FOCAD: variants seen among roughly 807,000 people sequenced by gnomAD.
The protein encoded by FOCAD is KIAA1797.
In FOCAD, 198 loss-of-function variants were observed where a neutral mutation model predicts 225.6. That is an observed-to-expected ratio of 0.88 (90% CI 0.78 to 0.99). FOCAD has a LOEUF of 0.99. Ranked by LOEUF, FOCAD falls within the 50% of genes least tolerant of loss-of-function variation. The pLI, the probability that FOCAD is intolerant of heterozygous loss-of-function variation, is 0.00. For missense variants in FOCAD, 2,713 were observed against 2,123.6 expected, an observed-to-expected ratio of 1.28 and a Z score of -5.46; for synonymous variants, 897 against 755.0, an observed-to-expected ratio of 1.19 and a Z score of -3.08.
chr9:20,961,430 G>A (rs141866901), intron 35 of FOCAD, among the ~76,000 whole-genome samples: 1 of 151,948 alleles, frequency 6.6e-6, no homozygotes, highest in African/African-American at 2.4e-5. Flanking sequence ...GGTTTATTTT[G>A]TACTATCCCC....
At chr9:20,874,444 CAT>C (rs1179858989) in intron 18 of FOCAD, 1 of 403,196 alleles carries the variant, frequency 2.5e-6, no homozygotes, top group Admixed American at 4.3e-5. Flanking sequence ...ACTGTATTAA[CAT>C]AAGCTTTTTA....
chr9:20,753,428 T>C (rs1417019534), intron 5 of FOCAD, among the ~76,000 whole-genome samples: 1 of 152,056 alleles, frequency 6.6e-6, no homozygotes. Context: ...CATGTGGTTT[T>C]TGTCTTTGGT....
Position 20,933,062 on chromosome 9 carries a change from T to C in FOCAD, c.3366T>C (p.Asp1122=), listed in dbSNP as rs761543558. The change falls in exon 28 of 44, where the codon GAT becomes GAC. Residue 1122 remains aspartate, a synonymous_variant. Transcript: ENST00000338382. ...EMNLLLMKSL[D]ALENCCFDTS... is the part of the protein sequence containing the mutation. ...ACCTTCTTCTGATGAAGTCGTTGGATGCCCTGGAAAATTGCTGCTTTGACA... is the reference window on the plus strand; with the variant it reads ...ACCTTCTTCTGATGAAGTCGTTGGACGCCCTGGAAAATTGCTGCTTTGACA... 6.2e-7 allele frequency: 1 copy of C among 1,614,070 alleles called. No homozygotes were observed. The highest frequency in any genetic ancestry group is 8.5e-7 in the Non-Finnish European group (1 of 1,179,928).
At chr9:20,942,640 T>A (rs1836784979) in intron 28 of FOCAD, among the ~76,000 whole-genome samples, 2 of 152,334 alleles carry the variant, frequency 1.3e-5, no homozygotes, top group Middle Eastern at 3.4e-3. Flanking sequence ...CTTAAAATTC[T>A]TCATTTGGTT....
intron 15 of FOCAD, among the ~76,000 whole-genome samples, chr9:20,839,507 C>T (rs762414552): frequency 3.9e-5 from 6 of 151,928 alleles, no homozygotes; most frequent in East Asian, 1.9e-4. Flanking sequence ...GTGTCTTGCC[C>T]GCTTAGGCCT....
chr9:20,748,476 A>G (rs1828259948), intron 5 of FOCAD, among the ~76,000 whole-genome samples: 1 of 152,098 alleles, frequency 6.6e-6, no homozygotes, highest in Admixed American at 6.6e-5. Context: ...CCTATTATAG[A>G]AAATGTACAC....
chr9:20,720,333 G>T (rs1400678296), intron 3 of FOCAD, 47 bp from the exon 4 acceptor site: 4 of 1,586,736 alleles, frequency 2.5e-6, no homozygotes, highest in Non-Finnish European at 3.4e-6. Flanking sequence ...GTGTGTGTGT[G>T]TTTGCTGCTC....
chr9:20,865,651 G>A (rs907654544), intron 16 of FOCAD, among the ~76,000 whole-genome samples: 2 of 152,054 alleles, frequency 1.3e-5, no homozygotes, highest in African/African-American at 4.8e-5. Flanking sequence ...TGACATTTCT[G>A]TTAGTACTTG....
chr9:20,981,303 A>T, intron 37 of FOCAD, 123 bp from the exon 38 acceptor site: 1 of 1,128,116 alleles, frequency 8.9e-7, no homozygotes, highest in South Asian at 1.5e-5. Flanking sequence ...TGAAGGGGGA[A>T]GGAAGTAACC....
At chr9:20,920,814 G>A (rs1409306340) in intron 24 of FOCAD, among the ~76,000 whole-genome samples, 2 of 151,072 alleles carry the variant, frequency 1.3e-5, no homozygotes, top group Non-Finnish European at 3.0e-5. Flanking sequence ...GGACTGTTGT[G>A]GGGTGGGGGG....
At chr9:20,740,661 A>C (rs1827535750) in intron 5 of FOCAD, among the ~76,000 whole-genome samples, 1 of 152,206 alleles carries the variant, frequency 6.6e-6, no homozygotes, top group African/African-American at 2.4e-5. Flanking sequence ...GACTTCATTG[A>C]ACAAAGATAT....
chr9:20,973,213 C>T (rs1414199471), intron 35 of FOCAD, among the ~76,000 whole-genome samples: 1 of 150,560 alleles, frequency 6.6e-6, no homozygotes, highest in East Asian at 2.0e-4. Context: ...TTCTGGTTCC[C>T]TCTTCTTTCA....
chr9:20,880,949 T>A (rs982588637), intron 19 of FOCAD, among the ~76,000 whole-genome samples: 1 of 152,230 alleles, frequency 6.6e-6, no homozygotes, highest in Non-Finnish European at 1.5e-5. Context: ...ACCTATAGTC[T>A]TATCAAATAT....
intron 22 of FOCAD, among the ~76,000 whole-genome samples, chr9:20,912,250 A>G (rs760189851): frequency 9.9e-5 from 15 of 152,102 alleles, no homozygotes; most frequent in Non-Finnish European, 2.1e-4. Flanking sequence ...AATAATTCTG[A>G]GTAAAAAAAT....
At chr9:20,943,119 A>T (rs372782273) in intron 28 of FOCAD, among the ~76,000 whole-genome samples, 1 of 152,228 alleles carries the variant, frequency 6.6e-6, no homozygotes, top group African/African-American at 2.4e-5. Context: ...AAGGCTTTAC[A>T]TTCATATTAA....
chr9:20,691,177 A>G (rs1277185446), intron 1 of FOCAD, among the ~76,000 whole-genome samples: 1 of 152,100 alleles, frequency 6.6e-6, no homozygotes, highest in Non-Finnish European at 1.5e-5. Flanking sequence ...TCCTGACCTC[A>G]AGTGATCCAC....
intron 26 of FOCAD, chr9:20,928,006 G>T (rs918453568): frequency 2.0e-5 from 3 of 150,784 alleles, no homozygotes; most frequent in African/African-American, 7.3e-5. Flanking sequence ...GATAAATTTT[G>T]CTCAAAAAGT....
intron 5 of FOCAD, among the ~76,000 whole-genome samples, chr9:20,745,423 A>T (rs1827968763): frequency 1.3e-5 from 2 of 152,156 alleles, no homozygotes; most frequent in African/African-American, 4.8e-5. Context: ...ATCGTGCAGG[A>T]AGTGGGCAGA....
chr9:20,796,873 G>C (rs923014777), intron 11 of FOCAD, among the ~76,000 whole-genome samples: 1 of 151,714 alleles, frequency 6.6e-6, no homozygotes, highest in Non-Finnish European at 1.5e-5. Context: ...TGGTGTTTTA[G>C]ACATGAAGTC....
Sources: gnomAD v4.1 joint callset for allele counts (sites outside exome capture counted in the v4.1 genomes callset) on GRCh38, gnomAD v4.1.1 for gene constraint, MANE v1.5 for transcripts, NCBI Gene and HGNC (gene_info 2026-07-23, HGNC 2026-07-21) for gene names.